Variants in USP40 observed in about 807,000 individuals in gnomAD.
USP40 encodes ubiquitin carboxyl-terminal hydrolase 40.
A neutral mutation model predicts 166.2 loss-of-function variants in USP40; 143 were observed. The ratio of observed to expected loss-of-function variants is 0.86; its 90% confidence interval spans 0.75 to 0.99. The LOEUF is 0.99. Among genes scored for constraint, USP40 ranks in the 50% least tolerant of loss-of-function variants. USP40 has a pLI of 0.00. For synonymous variants in USP40, 498 were observed against 524.0 expected (o/e 0.95, Z 0.68); for missense variants, 1,444 against 1,479.7 (o/e 0.98, Z 0.40).
In USP40 at chr2:233,476,880, T is replaced by G; in HGVS notation, c.*512A>C. On this transcript the variant is annotated 3_prime_UTR_variant, in exon 32 of 32. Transcript: ENST00000678225. ...GCGGGGCCGGAACGAGTGGGGGAAA[T>G]GAAGTCCTGAAAGCAGACCCCACTT... 1 of 190,316 alleles carries G rather than the reference T, an allele frequency of 5.3e-6. No individual in the cohort carries two copies. Among genetic ancestry groups the G allele is most frequent in the Non-Finnish European group, 1.1e-5 (1 of 90,826 alleles). 11.8% of individuals were successfully genotyped at this position (190,316 alleles called of 1,614,324 possible).
Position 233,480,650 on chromosome 2 carries a change from A to C in USP40, c.3599+553T>G, listed in dbSNP as rs1234276494. On this transcript the variant is annotated intron_variant, in intron 31 of 31. Transcript: ENST00000678225. The surrounding 1 kb of genome is among the most constrained non-coding windows in gnomAD (Gnocchi z 4.5). ...GCTGGGAGGAGGGAGAGAGGCAAGGAGTCCTGAGCAGAGGTAGAAGATGGC... is the reference window on the plus strand; with the variant it reads ...GCTGGGAGGAGGGAGAGAGGCAAGGCGTCCTGAGCAGAGGTAGAAGATGGC... Among the ~76,000 whole-genome samples, 1 of 152,206 alleles carries C rather than the reference A, an allele frequency of 6.6e-6. No homozygotes were observed. Among genetic ancestry groups the C allele is most frequent in the South Asian group, 2.1e-4 (1 of 4,828 alleles).
At chr2:233,565,274 G>C (rs2072035678) in intron 2 of USP40, 82 bp downstream of exon 2, 1 of 1,034,152 alleles carries the variant, frequency 9.7e-7, no homozygotes. Flanking sequence ...AAGATAATTG[G>C]TCTATTTGTG....
In USP40 at chr2:233,524,538, GT is replaced by G. The variant is rs745600777; in HGVS notation, c.1834del (p.Thr612LeufsTer33). 1 of 1,605,748 alleles carries G rather than the reference GT, an allele frequency of 6.2e-7. No homozygotes were observed. Among genetic ancestry groups the G allele is most frequent in the South Asian group, 1.1e-5 (1 of 89,024 alleles). ...GATGTCTTCCCCATCAGCAATTTCA[GT>G]TTCACACAGTGTCAGTTCATCCCCT... ...LGGDELTLCE[T>X]EIADGEDIFV... On this transcript the variant is annotated frameshift_variant, in exon 15 of 32. Transcript: ENST00000678225. LOFTEE classifies it high-confidence loss of function.
chr2:233,555,063 C>T (rs12467134), intron 5 of USP40, among the ~76,000 whole-genome samples: 44,061 of 152,052 alleles, frequency 0.29, 7,686 homozygotes, highest in Middle Eastern at 0.42. Context: ...TGTGGTGGTG[C>T]ATGCCTGTAG....
intron 8 of USP40, among the ~76,000 whole-genome samples, chr2:233,545,058 A>G (rs535069260): frequency 6.6e-6 from 1 of 152,336 alleles, no homozygotes; most frequent in South Asian, 2.1e-4. Flanking sequence ...AAGTTCTTAA[A>G]AAGCAAACAA....
chr2:233,479,963 A>T (rs2125018012), intron 31 of USP40, among the ~76,000 whole-genome samples: 1 of 152,232 alleles, frequency 6.6e-6, no homozygotes, highest in East Asian at 1.9e-4. Flanking sequence ...TCACTCAGGG[A>T]GTCTCCTCGC....
chr2:233,552,238 A>T (rs2125359179), intron 6 of USP40, among the ~76,000 whole-genome samples: 1 of 151,644 alleles, frequency 6.6e-6, no homozygotes, highest in East Asian at 1.9e-4. Context: ...AAAAAAAAAC[A>T]AAAAACCCCA....
chr2:233,525,380 A>AGGTG, intron 14 of USP40, 98 bp downstream of exon 14: 1 of 749,544 alleles, frequency 1.3e-6, no homozygotes, highest in South Asian at 2.0e-5. Context: ...AGAAAGTAGT[A>AGGTG]GGTGGGGAAG....
intron 30 of USP40, among the ~76,000 whole-genome samples, chr2:233,481,968 G>A (rs2971866): frequency 0.17 from 25,695 of 152,204 alleles, 2,423 homozygotes; most frequent in Non-Finnish European, 0.21. Context: ...TGCGGGGTTC[G>A]TGCTGGGGGT....
chr2:233,513,239 T>TG (rs1021240837), intron 18 of USP40, among the ~76,000 whole-genome samples: 8 of 152,210 alleles, frequency 5.3e-5, no homozygotes, highest in Non-Finnish European at 1.2e-4. Context: ...GTCTCTTGAG[T>TG]GACTGCAGGG....
At chr2:233,561,605 CA>C (rs2071618485) in intron 3 of USP40, among the ~76,000 whole-genome samples, 1 of 151,596 alleles carries the variant, frequency 6.6e-6, no homozygotes. Flanking sequence ...GACCTAAAAC[CA>C]TAAAAACCCT....
At chr2:233,494,469 A>G (rs966428596) in intron 24 of USP40, among the ~76,000 whole-genome samples, 1 of 152,192 alleles carries the variant, frequency 6.6e-6, no homozygotes, top group African/African-American at 2.4e-5. Flanking sequence ...AGGAATTTAC[A>G]TTCTGATATA....
Position 233,485,758 on chromosome 2 carries a change from C to A in USP40, c.3408+9G>T, listed in dbSNP as rs199833993. On this transcript the variant is annotated intron_variant, in intron 29 of 31. Coordinates refer to ENST00000678225, the MANE Select transcript of USP40 (RefSeq NM_001365479.2). ...CCCCAATTTCTCTGAGACAGCCCCA[C>A]AACTTTACCCAGCTAGATATCGGAA... 9.3e-6 allele frequency: 15 copies of A among 1,612,710 alleles called. No individual in the cohort carries two copies. In the African/African-American group the frequency reaches 2.0e-4, roughly 21 times the overall value.
At chr2:233,488,714 G>A (rs1043985425) in intron 27 of USP40, among the ~76,000 whole-genome samples, 2 of 152,288 alleles carry the variant, frequency 1.3e-5, no homozygotes, top group African/African-American at 2.4e-5. Flanking sequence ...AGGAGTTCGC[G>A]ACCAGACTGG....
At chr2:233,492,682 T>G (rs1224728800) in intron 25 of USP40, 3 of 152,214 alleles carry the variant, frequency 2.0e-5, no homozygotes, top group Non-Finnish European at 2.9e-5. Context: ...TATATTAATT[T>G]TATTACTGAG....
chr2:233,515,866 G>A (rs955165341), intron 18 of USP40, among the ~76,000 whole-genome samples: 3 of 152,112 alleles, frequency 2.0e-5, no homozygotes, highest in South Asian at 2.1e-4. Context: ...TGCATCAGGC[G>A]AAGTAAAGCT....
At chr2:233,511,593 T>C in intron 20 of USP40, 116 bp downstream of exon 20, 3 of 671,620 alleles carry the variant, frequency 4.5e-6, no homozygotes, top group Non-Finnish European at 7.3e-6. Flanking sequence ...ATAAAATGTA[T>C]GATTTAAGAA....
chr2:233,556,322 T>C (rs568063934), intron 5 of USP40, among the ~76,000 whole-genome samples: 22 of 152,212 alleles, frequency 1.4e-4, no homozygotes, highest in Admixed American at 7.9e-4. Context: ...ATGGGCAATA[T>C]GTGTCATTAC....
At chr2:233,553,620 TC>T in intron 6 of USP40, among the ~76,000 whole-genome samples, 1 of 152,358 alleles carries the variant, frequency 6.6e-6, no homozygotes, top group Non-Finnish European at 1.5e-5. Context: ...AGGGAGGTGT[TC>T]CACTAAGCTA....
Sources: gnomAD v4.1 joint callset for allele counts (sites outside exome capture counted in the v4.1 genomes callset) on GRCh38, gnomAD v4.1.1 for gene constraint, Gnocchi (gnomAD v3.1) non-coding constraint, MANE v1.5 for transcripts, NCBI Gene and HGNC (gene_info 2026-07-23, HGNC 2026-07-21) for gene names.